Variants in RAD23B observed in about 807,000 individuals in gnomAD.
RAD23B encodes RAD23 nucleotide excision repair protein B.
RAD23B carries 5 observed loss-of-function variants against 49.1 expected under a neutral mutation model. The observed-to-expected ratio is 0.10, with a 90% CI of 0.05 to 0.21. The LOEUF (loss-of-function observed/expected upper bound fraction) is 0.21. RAD23B is among the 10% of genes least tolerant of loss of function. The pLI is 1.00. For missense variants in RAD23B, 356 were observed against 486.7 expected (o/e 0.73, Z 2.53); for synonymous variants, 184 against 165.4 (o/e 1.11, Z -0.86).
chr9:107,308,310 C>T (rs548431927), intron 4 of RAD23B, among the ~76,000 whole-genome samples: 115 of 151,904 alleles, frequency 7.6e-4, no homozygotes, highest in Admixed American at 1.1e-3. Context: ...CCTCCACCTC[C>T]CGGGTTCAAG....
chr9:107,329,828 G>C lies in RAD23B; in HGVS notation c.*172G>C. Reference sequence around the variant, plus strand: ...CAGGGCAGGGATAAATACAGTGCATGTCTGCTTCAATTAGCAGATGCCGCA... The same window carrying C: ...CAGGGCAGGGATAAATACAGTGCATCTCTGCTTCAATTAGCAGATGCCGCA... On this transcript the variant is annotated 3_prime_UTR_variant, in exon 10 of 10. Coordinates refer to ENST00000358015, the MANE Select transcript of RAD23B (RefSeq NM_002874.5). 2.4e-6 allele frequency: 1 copy of C among 416,412 alleles called. No homozygotes were observed. The highest frequency in any genetic ancestry group is 3.4e-5 in the East Asian group (1 of 29,108). 25.8% of individuals were successfully genotyped at this position (416,412 alleles called of 1,614,324 possible).
At chr9:107,309,147 G>C (rs550059654) in intron 4 of RAD23B, among the ~76,000 whole-genome samples, 4 of 152,212 alleles carry the variant, frequency 2.6e-5, no homozygotes, top group Admixed American at 2.6e-4. Context: ...TCAATAGGCT[G>C]CATCAGCATC....
At chr9:107,308,826 G>A (rs536093230) in intron 4 of RAD23B, among the ~76,000 whole-genome samples, 4 of 152,298 alleles carry the variant, frequency 2.6e-5, no homozygotes, top group East Asian at 1.9e-4. Flanking sequence ...AAAATATCTA[G>A]TGTCTTGTGA....
At chr9:107,321,594 C>G (rs1452906267) in intron 6 of RAD23B, among the ~76,000 whole-genome samples, 2 of 152,142 alleles carry the variant, frequency 1.3e-5, no homozygotes, top group Non-Finnish European at 2.9e-5. Context: ...GTCAACTGAA[C>G]TAATAGGTAG....
chr9:107,321,867 CTGTT>C, intron 6 of RAD23B, 112 bp from the exon 7 acceptor site: 1 of 1,108,416 alleles, frequency 9.0e-7, no homozygotes, highest in Non-Finnish European at 1.2e-6. Flanking sequence ...AAGCAGACAT[CTGTT>C]TGATGCTTTT....
At chr9:107,312,055 G>A (rs1395568773) in intron 5 of RAD23B, among the ~76,000 whole-genome samples, 1 of 152,198 alleles carries the variant, frequency 6.6e-6, no homozygotes, top group Admixed American at 6.5e-5. Flanking sequence ...TCTTTGAAAT[G>A]GGTATGAAAT....
At chr9:107,295,535 G>A (rs1239017856) in intron 1 of RAD23B, among the ~76,000 whole-genome samples, 1 of 152,184 alleles carries the variant, frequency 6.6e-6, no homozygotes, top group Non-Finnish European at 1.5e-5. Context: ...ATGAAAATAA[G>A]TTCCTCTGTC....
chr9:107,292,419 G>A (rs776560669), intron 1 of RAD23B, among the ~76,000 whole-genome samples: 19 of 152,174 alleles, frequency 1.2e-4, no homozygotes, highest in Middle Eastern at 3.4e-3. Context: ...CGTGGCTTAT[G>A]CCTGTAATCC....
intron 5 of RAD23B, among the ~76,000 whole-genome samples, 159 bp downstream of exon 5, chr9:107,311,896 A>G (rs1826896379): frequency 6.6e-6 from 1 of 152,240 alleles, no homozygotes; most frequent in African/African-American, 2.4e-5. Context: ...AGTGTTACTA[A>G]AGACTTTTAA....
chr9:107,313,596 A>G (rs1564248616), intron 5 of RAD23B, among the ~76,000 whole-genome samples: 2 of 152,198 alleles, frequency 1.3e-5, no homozygotes, highest in South Asian at 2.1e-4. Context: ...GTCATAGTTC[A>G]AAGTTTAAAT....
intron 1 of RAD23B, among the ~76,000 whole-genome samples, chr9:107,289,623 G>C (rs1330094475): frequency 6.6e-6 from 1 of 152,216 alleles, no homozygotes; most frequent in Non-Finnish European, 1.5e-5. Flanking sequence ...AGTAGGAGTG[G>C]AGATGTAGAG....
At chr9:107,324,093 C>T (rs1296147930) in intron 8 of RAD23B, 76 bp downstream of exon 8, 13 of 1,456,422 alleles carry the variant, frequency 8.9e-6, no homozygotes, top group East Asian at 2.3e-5. Flanking sequence ...CGGTCCTTCC[C>T]CTCCTCAAAT....
intron 7 of RAD23B, 114 bp downstream of exon 7, chr9:107,322,232 G>C (rs140992673): frequency 1.6e-6 from 2 of 1,277,450 alleles, no homozygotes; most frequent in Non-Finnish European, 2.1e-6. Flanking sequence ...CGAATAATTC[G>C]TTAAGTTCTC....
intron 3 of RAD23B, among the ~76,000 whole-genome samples, chr9:107,304,510 A>T (rs181116750): frequency 6.6e-6 from 1 of 152,340 alleles, no homozygotes; most frequent in Admixed American, 6.5e-5. Flanking sequence ...AAATAGGAAA[A>T]GAAGGGAGTA....
intron 1 of RAD23B, among the ~76,000 whole-genome samples, chr9:107,292,483 C>G (rs953725001): frequency 3.3e-5 from 5 of 151,956 alleles, no homozygotes; most frequent in African/African-American, 1.2e-4. Flanking sequence ...GTTCGAGACC[C>G]TCCTGGCCAA....
At chr9:107,313,504 G>A (rs565056307) in intron 5 of RAD23B, among the ~76,000 whole-genome samples, 25 of 152,322 alleles carry the variant, frequency 1.6e-4, no homozygotes, top group Non-Finnish European at 2.8e-4. Context: ...GGTTACAGGC[G>A]TGAACCACAG....
At chr9:107,301,699 G>A (rs930274959) in intron 2 of RAD23B, among the ~76,000 whole-genome samples, 13 of 150,824 alleles carry the variant, frequency 8.6e-5, no homozygotes, top group African/African-American at 2.9e-4. Flanking sequence ...CACAATGCCT[G>A]GCTAATTTTG....
At chr9:107,285,654 C>A (rs1324301623) in intron 1 of RAD23B, among the ~76,000 whole-genome samples, 6 of 152,154 alleles carry the variant, frequency 3.9e-5, no homozygotes, top group Non-Finnish European at 7.3e-5. Flanking sequence ...ATATGTTATA[C>A]GTCTGGAAGT....
chr9:107,316,015 AT>A (rs112565231), intron 5 of RAD23B, among the ~76,000 whole-genome samples: 1,690 of 143,354 alleles, frequency 0.012, 18 homozygotes, highest in African/African-American at 0.033. Flanking sequence ...ACTTTTACGA[AT>A]TTTTTTTTTT....
Sources: gnomAD v4.1 joint callset for allele counts (sites outside exome capture counted in the v4.1 genomes callset) on GRCh38, gnomAD v4.1.1 for gene constraint, MANE v1.5 for transcripts, NCBI Gene and HGNC (gene_info 2026-07-23, HGNC 2026-07-21) for gene names.